SLC12A7: variants seen among roughly 807,000 people sequenced by gnomAD.
SLC12A7 encodes K-Cl cotransporter 4.
SLC12A7 carries 100 observed loss-of-function variants against 120.6 expected under a neutral mutation model. The ratio of observed to expected loss-of-function variants is 0.83; its 90% CI spans 0.71 to 0.98. The LOEUF (loss-of-function observed/expected upper bound fraction) is 0.98, where lower values mean the gene tolerates loss of function less well. Ranked by LOEUF, SLC12A7 falls within the 50% of genes least tolerant of loss-of-function variation. SLC12A7 has a pLI of 0.00. For missense variants in SLC12A7, 1,373 were observed against 1,548.1 expected (o/e 0.89, Z 1.90); for synonymous variants, 760 against 678.0 (o/e 1.12, Z -1.88).
chr5:1,096,839 A>AGGG, intron 1 of SLC12A7, among the ~76,000 whole-genome samples: 1 of 65,454 alleles, frequency 1.5e-5, no homozygotes, highest in African/African-American at 5.2e-5. Flanking sequence ...GGAAGGAGGG[A>AGGG]GGGAGGGAAG....
In SLC12A7 at chr5:1,089,127, G is replaced by C. The variant is rs750515550; in HGVS notation, c.344C>G (p.Ala115Gly). 22 of 1,612,386 alleles carry C rather than the reference G, an allele frequency of 1.4e-5. No homozygotes were observed. The South Asian group carries it at 2.3e-4, about 17-fold the overall frequency. ...DEESRRREAK[A>G]PRMGTFIGVY... is the part of the protein sequence containing the mutation. ...GCCGATGAAGGTGCCCATGCGCGGA[G>C]CCTGCGACAGAGCATAGCGTGTCCC... Residue 115 changes from alanine to glycine, a missense_variant and splice_region_variant, in exon 4 of 24, where the codon GCT becomes GGT. Transcript: ENST00000264930.
intron 17 of SLC12A7, among the ~76,000 whole-genome samples, chr5:1,068,095 A>G (rs1374098874): frequency 6.6e-6 from 1 of 152,234 alleles, no homozygotes; most frequent in Non-Finnish European, 1.5e-5. Context: ...TGGCGACTGC[A>G]TGAGTCACGA....
the SLC12A7 span, among the ~76,000 whole-genome samples, chr5:1,144,177 G>A: frequency 1.3e-5 from 2 of 152,142 alleles, no homozygotes; most frequent in African/African-American, 4.8e-5. Context: ...TCAGGGAGGG[G>A]ACCTGGACGC....
Position 1,077,986 on chromosome 5 carries a change from C to T in SLC12A7, c.1476G>A (p.Gly492=), listed in dbSNP as rs1340480639. 1.9e-6 allele frequency: 3 copies of T among 1,583,036 alleles called. No individual in the cohort carries two copies. Among genetic ancestry groups the T allele is most frequent in the Non-Finnish European group, 2.6e-6 (3 of 1,165,598 alleles). The change falls in exon 12 of 24, where the codon GGG becomes GGA. Residue 492 remains glycine, a synonymous_variant. Coordinates refer to ENST00000264930, the MANE Select transcript of SLC12A7 (RefSeq NM_006598.3). The part of the protein sequence containing the change: ...LRDKFGEALQ[G]NLVIGMLAWP... Reference sequence around the variant, plus strand: ...AGGCCAGCATGCCGATGACCAGGTTCCCCTGCAGGGCCTCCCCGAACCTGC... The same window carrying T: ...AGGCCAGCATGCCGATGACCAGGTTTCCCTGCAGGGCCTCCCCGAACCTGC...
intron 22 of SLC12A7, among the ~76,000 whole-genome samples, chr5:1,055,313 G>A (rs138734725): frequency 4.6e-5 from 7 of 152,338 alleles, no homozygotes; most frequent in East Asian, 1.9e-4. Context: ...GCACACTAAC[G>A]TACGTGGACG....
At position 1,063,928 on chromosome 5, in the gene SLC12A7, G is replaced by A. The variant is rs770052649; in HGVS notation, c.2655C>T (p.Asp885=). The A allele has an allele frequency of 1.7e-5, 27 of 1,612,382 alleles. No homozygotes were observed. Among genetic ancestry groups the A allele is most frequent in the East Asian group, 4.5e-5 (2 of 44,870 alleles). The change falls in exon 20 of 24, where the codon GAC becomes GAT. Residue 885 remains aspartate (D), a synonymous_variant. Transcript: ENST00000264930. ...RMRIFTVAQV[D]DNSIQMKKDL... ...CCTTCTTCATCTGGATGCTGTTGTC[G>A]TCCACCTGGGCCACGGTGAAGATAC... is the stretch of plus-strand genomic sequence containing the variant.
chr5:1,148,310 C>T, the SLC12A7 span, among the ~76,000 whole-genome samples: 1 of 150,794 alleles, frequency 6.6e-6, no homozygotes, highest in African/African-American at 2.4e-5. Context: ...AGGTTCACAC[C>T]ATTCTCCTGC....
chr5:1,119,261 T>C, the SLC12A7 span, among the ~76,000 whole-genome samples: 1 of 152,208 alleles, frequency 6.6e-6, no homozygotes, highest in South Asian at 2.1e-4. Context: ...GAACCTGGAC[T>C]GCAAAGCCCG....
At chr5:1,068,371 T>C (rs1737279953) in intron 17 of SLC12A7, among the ~76,000 whole-genome samples, 2 of 152,020 alleles carry the variant, frequency 1.3e-5, no homozygotes, top group Admixed American at 1.3e-4. Flanking sequence ...GAGGTGGAGG[T>C]TGCAGTGAGC....
chr5:1,136,024 C>T, the SLC12A7 span, among the ~76,000 whole-genome samples: 1 of 152,174 alleles, frequency 6.6e-6, no homozygotes, highest in African/African-American at 2.4e-5. Context: ...GTCCAGAGGA[C>T]ACGGATGCAC....
At chr5:1,065,634 C>A (rs1262612309) in intron 17 of SLC12A7, among the ~76,000 whole-genome samples, 156 bp from the exon 18 acceptor site, 1 of 152,120 alleles carries the variant, frequency 6.6e-6, no homozygotes, top group Non-Finnish European at 1.5e-5. Context: ...GTGCTCCCGG[C>A]CGCTGTGTGT....
At chr5:1,106,009 T>C (rs1333838037) in intron 1 of SLC12A7, among the ~76,000 whole-genome samples, 1 of 151,958 alleles carries the variant, frequency 6.6e-6, no homozygotes, top group Non-Finnish European at 1.5e-5. Context: ...CACACGGCCG[T>C]CACAAAATGA....
chr5:1,102,181 A>G (rs1742084110), intron 1 of SLC12A7, among the ~76,000 whole-genome samples: 1 of 152,128 alleles, frequency 6.6e-6, no homozygotes, highest in African/African-American at 2.4e-5. Flanking sequence ...GACCAGACAC[A>G]CGAGTGTCCC....
rs774224815 is a variant in SLC12A7 at position 1,085,433 on chromosome 5, G to A, written c.716C>T (p.Ala239Val). 1 of 1,609,760 alleles carries A rather than the reference G, an allele frequency of 6.2e-7. No homozygotes were observed. Among genetic ancestry groups the A allele is most frequent in the Non-Finnish European group, 8.5e-7 (1 of 1,178,710 alleles). Residue 239 changes from alanine (A) to valine (V), a missense_variant, in exon 7 of 24, where the codon GCT (alanine) becomes GTT (valine). By Grantham distance (64) the Ala-to-Val change is moderately conservative. Coordinates refer to ENST00000264930, the MANE Select transcript of SLC12A7 (RefSeq NM_006598.3). Reference protein sequence around the residue: ...SPGAAIFQAEAAGGEAAAMLH... With the variant: ...SPGAAIFQAEVAGGEAAAMLH... The stretch of plus-strand genomic sequence containing the variant: ...CATGGCGGCCGCCTCGCCACCTGCA[G>A]CCTCCGCCTGGAAGATGGCCGCACC...
the SLC12A7 span, among the ~76,000 whole-genome samples, chr5:1,129,805 C>T: frequency 1.3e-4 from 20 of 152,166 alleles, no homozygotes; most frequent in Non-Finnish European, 2.4e-4. Flanking sequence ...ACCTTGGAGC[C>T]GGGCTCTCGA....
At chr5:1,096,096 A>G (rs1741105468) in intron 1 of SLC12A7, among the ~76,000 whole-genome samples, 1 of 152,232 alleles carries the variant, frequency 6.6e-6, no homozygotes, top group Non-Finnish European at 1.5e-5. Flanking sequence ...GATCTGAAAA[A>G]GATCTCTCGT....
intron 21 of SLC12A7, among the ~76,000 whole-genome samples, chr5:1,058,947 C>G (rs1018633472): frequency 6.6e-6 from 1 of 152,230 alleles, no homozygotes; most frequent in African/African-American, 2.4e-5. Context: ...AGGGGCCCTT[C>G]GAGCTCGAGC....
In SLC12A7 at chr5:1,105,160, A is replaced by G. The variant is rs1337393990; in HGVS notation, c.124+6708T>C. 5.1e-3 allele frequency among the ~76,000 whole-genome samples: 680 copies of G among 134,280 alleles called. 6 individuals are homozygous for G. In the East Asian group the frequency reaches 0.056, roughly 11 times the overall value. 88.1% of individuals were successfully genotyped at this position (134,280 alleles called of 152,430 possible). Reference sequence around the variant, plus strand: ...GTCCTGCAGTCACCCACCAGTCAAAAGGACCCTCCCCGCAGGGATGAGGTC... The same window carrying G: ...GTCCTGCAGTCACCCACCAGTCAAAGGGACCCTCCCCGCAGGGATGAGGTC... On this transcript the variant is annotated intron_variant, in intron 1 of 23. Coordinates refer to ENST00000264930, the MANE Select transcript of SLC12A7 (RefSeq NM_006598.3).
At chr5:1,064,631 G>A (rs1298984795) in intron 18 of SLC12A7, among the ~76,000 whole-genome samples, 4 of 152,096 alleles carry the variant, frequency 2.6e-5, no homozygotes, top group Non-Finnish European at 4.4e-5. Context: ...AGGGGACAGC[G>A]AGGAGACAGA....
Sources: gnomAD v4.1 joint callset for allele counts (sites outside exome capture counted in the v4.1 genomes callset) on GRCh38, gnomAD v4.1.1 for gene constraint, MANE v1.5 for transcripts, NCBI Gene and HGNC (gene_info 2026-07-23, HGNC 2026-07-21) for gene names.